The following KIF4A variants were observed in gnomAD, a reference collection of about 807,000 sequenced individuals.
KIF4A encodes the protein kinesin family member 4A.
A neutral mutation model predicts 105.9 loss-of-function variants in KIF4A; 7 were observed. That is an observed-to-expected ratio of 0.07 (90% CI 0.04 to 0.12). The LOEUF (loss-of-function observed/expected upper bound fraction) is 0.12, where lower values mean the gene tolerates loss of function less well. Among genes scored for constraint, KIF4A ranks in the 10% least tolerant of loss-of-function variants. KIF4A has a pLI of 1.00. For synonymous variants in KIF4A, 281 were observed against 331.3 expected, an observed-to-expected ratio of 0.85 and a Z score of 1.65; for missense variants, 558 against 929.2, an observed-to-expected ratio of 0.60 and a Z score of 5.19.
At chrX:70,398,832 C>G (rs1207865768) in intron 22 of KIF4A, among the ~76,000 whole-genome samples, 1 of 111,492 alleles carries the variant, frequency 9.0e-6, no homozygotes, top group Non-Finnish European at 1.9e-5. Context: ...AGCCAGTGAT[C>G]AAAACTATTT....
At chrX:70,386,811 A>G (rs192188907) in intron 19 of KIF4A, 110 bp downstream of exon 19, 47 of 553,420 alleles carry the variant, frequency 8.5e-5, no homozygotes, top group East Asian at 6.4e-4. Flanking sequence ...AGGGATGCCA[A>G]TCTTCACAAG....
At chrX:70,410,962 T>C (rs1401717000) in intron 28 of KIF4A, among the ~76,000 whole-genome samples, 1 of 112,613 alleles carries the variant, frequency 8.9e-6, no homozygotes, top group Non-Finnish European at 1.9e-5. Context: ...TGCTTTTATA[T>C]GGTGTTATAT....
At chrX:70,368,872 G>C (rs904294331) in intron 15 of KIF4A, among the ~76,000 whole-genome samples, 2 of 112,155 alleles carry the variant, frequency 1.8e-5, no homozygotes, top group Non-Finnish European at 3.8e-5. Context: ...GCAGGCAGGT[G>C]TCCTTGAGCT....
intron 7 of KIF4A, among the ~76,000 whole-genome samples, chrX:70,308,770 T>G (rs1352926053): frequency 9.0e-6 from 1 of 111,446 alleles, no homozygotes; most frequent in African/African-American, 3.3e-5. Flanking sequence ...CTGCCATGCA[T>G]GACTAATTTT....
At chrX:70,347,791 A>G (rs897542397) in intron 13 of KIF4A, among the ~76,000 whole-genome samples, 2 of 100,089 alleles carry the variant, frequency 2.0e-5, no homozygotes, top group Non-Finnish European at 4.0e-5. Flanking sequence ...CTGGCTAACA[A>G]GGTGAAACCC....
intron 15 of KIF4A, among the ~76,000 whole-genome samples, chrX:70,365,975 G>A (rs1031725639): frequency 9.9e-5 from 11 of 110,811 alleles, no homozygotes; most frequent in Non-Finnish European, 1.9e-4. Flanking sequence ...GTCTTGGGAG[G>A]GTGTATGTGT....
chrX:70,419,689 A>G lies in KIF4A; in HGVS notation c.3401A>G (p.Gln1134Arg). 8.3e-7 allele frequency: 1 copy of G among 1,210,047 alleles called. No homozygotes were observed. The highest frequency in any genetic ancestry group is 1.1e-6 in the Non-Finnish European group (1 of 894,937). ...AGCTTGGGCACTGTTGAACGGACCC[A>G]GGATTCCGAAGGCTCCTTCAAACTG... ...KDSLGTVERT[Q>R]DSEGSFKLED... The change falls in exon 30 of 31, where the codon CAG becomes CGG. Residue 1134 changes from glutamine to arginine, a missense_variant. By Grantham distance (43) the Gln-to-Arg change is conservative. Transcript: ENST00000374403.
At chrX:70,349,773 G>T in intron 13 of KIF4A, among the ~76,000 whole-genome samples, 1 of 85,349 alleles carries the variant, frequency 1.2e-5, no homozygotes, top group South Asian at 7.0e-4. Context: ...CCCAGACGGG[G>T]CGGCCGGGCA....
intron 18 of KIF4A, among the ~76,000 whole-genome samples, chrX:70,380,896 C>G (rs964798825): frequency 5.3e-5 from 6 of 112,203 alleles, no homozygotes; most frequent in African/African-American, 1.9e-4. Context: ...AGCCTGTAAT[C>G]CTAGCACTTT....
intron 15 of KIF4A, among the ~76,000 whole-genome samples, chrX:70,368,871 T>C (rs2086117282): frequency 1.8e-5 from 2 of 112,039 alleles, no homozygotes; most frequent in Non-Finnish European, 3.8e-5. Context: ...GGCAGGCAGG[T>C]GTCCTTGAGC....
intron 28 of KIF4A, among the ~76,000 whole-genome samples, chrX:70,414,228 C>A (rs2086334230): frequency 9.0e-6 from 1 of 111,164 alleles, no homozygotes; most frequent in Non-Finnish European, 1.9e-5. Flanking sequence ...TTTTGATTTT[C>A]AAATTTTGTA....
At chrX:70,365,454 GGTTA>G (rs2086097881) in intron 15 of KIF4A, among the ~76,000 whole-genome samples, 4 of 111,752 alleles carry the variant, frequency 3.6e-5, no homozygotes, top group African/African-American at 1.3e-4. Context: ...TAGCATGAAG[GGTTA>G]TTGAATTTTG....
At chrX:70,376,060 T>G in intron 17 of KIF4A, 40 bp from the exon 18 acceptor site, 1 of 943,760 alleles carries the variant, frequency 1.1e-6, no homozygotes, top group Non-Finnish European at 1.5e-6. Flanking sequence ...TAGAATAAAC[T>G]GCAGATGACT....
intron 20 of KIF4A, among the ~76,000 whole-genome samples, chrX:70,394,041 T>A (rs2086249929): frequency 9.2e-6 from 1 of 108,679 alleles, no homozygotes; most frequent in Admixed American, 1.0e-4. Flanking sequence ...AATTTTTGTA[T>A]TTTTTGTAGA....
chrX:70,375,938 C>T lies in KIF4A; in HGVS notation c.1924-162C>T, dbSNP rs182951786. ...CCTGTACTTGGAAACCCTGTGCAAG[C>T]ATAGCAAGGGGTATTGTAAGCCTAA... On this transcript the variant is annotated intron_variant, in intron 17 of 30. Coordinates refer to ENST00000374403, the MANE Select transcript of KIF4A (RefSeq NM_012310.5). Among the ~76,000 whole-genome samples, 4 of 111,966 alleles carry T rather than the reference C, an allele frequency of 3.6e-5. No individual in the cohort carries two copies. The East Asian group carries it at 8.3e-4, about 23-fold the overall frequency.
At chrX:70,329,554 T>A (rs1401931172) in intron 8 of KIF4A, 33 bp downstream of exon 8, 8 of 1,084,426 alleles carry the variant, frequency 7.4e-6, no homozygotes, top group Non-Finnish European at 8.9e-6. Flanking sequence ...AATAAGAGAG[T>A]AACTCAAAAT....
At chrX:70,368,724 C>T (rs2086116593) in intron 15 of KIF4A, among the ~76,000 whole-genome samples, 1 of 111,995 alleles carries the variant, frequency 8.9e-6, no homozygotes, top group African/African-American at 3.3e-5. Flanking sequence ...GCAGTCTTTT[C>T]GTTCTCAGAT....
At chrX:70,405,807 C>CATA in intron 25 of KIF4A, 21 bp from the exon 26 acceptor site, 2 of 1,157,418 alleles carry the variant, frequency 1.7e-6, no homozygotes, top group Non-Finnish European at 2.4e-6. Context: ...CCCCATATAT[C>CATA]ACTGCACTAT....
At position 70,299,118 on chromosome X, in the gene KIF4A, C is replaced by T; in HGVS notation, c.432C>T (p.Tyr144=). ...FTLKVSYLEI[Y]NEEILDLLCP... is the part of the protein sequence containing the mutation. ...TTTATTTTCAACAATATCAGATTTA[C>T]AATGAAGAAATTTTGGATCTTCTAT... The change falls in exon 5 of 31, where the codon TAC becomes TAT. Residue 144 remains tyrosine, a synonymous_variant. Transcript: ENST00000374403. 8.3e-7 allele frequency: 1 copy of T among 1,200,888 alleles called. No homozygotes were observed. The highest frequency in any genetic ancestry group is 1.7e-5 in the African/African-American group (1 of 57,504).
Sources: allele counts gnomAD v4.1 joint callset (sites outside exome capture counted in the v4.1 genomes callset), GRCh38; gene constraint gnomAD v4.1.1; transcripts MANE v1.5; gene names NCBI Gene and HGNC (gene_info 2026-07-23, HGNC 2026-07-21).